The following RPH3A variants were observed in gnomAD, a reference collection of about 807,000 sequenced individuals.
RPH3A encodes the protein rabphilin-3A.
A neutral mutation model predicts 102.2 loss-of-function variants in RPH3A; 48 were observed. The observed-to-expected ratio is 0.47, with a 90% CI of 0.37 to 0.60. RPH3A has a LOEUF of 0.60. Among genes scored for constraint, RPH3A ranks in the 20% least tolerant of loss-of-function variants. The pLI, the probability that RPH3A is intolerant of heterozygous loss-of-function variation, is 0.00. For synonymous variants in RPH3A, 310 were observed against 324.3 expected, an observed-to-expected ratio of 0.96 and a Z score of 0.47; for missense variants, 781 against 910.1, an observed-to-expected ratio of 0.86 and a Z score of 1.83.
upstream of RPH3A, among the ~76,000 whole-genome samples, chr12:112,788,001 C>A (rs1214098902): frequency 6.6e-6 from 1 of 152,224 alleles, no homozygotes; most frequent in African/African-American, 2.4e-5. Flanking sequence ...CAGACCCTGG[C>A]CGGGCTCAGC....
At chr12:112,779,758 C>T (rs1213248545) in intron 1 of RPH3A, among the ~76,000 whole-genome samples, 1 of 152,154 alleles carries the variant, frequency 6.6e-6, no homozygotes, top group East Asian at 1.9e-4. Context: ...TACCCAGAAC[C>T]TCAGAATGTG....
At position 112,875,132 on chromosome 12, in the gene RPH3A, C is replaced by T. The variant is rs200889610; in HGVS notation, c.845C>T (p.Ser282Leu). 9.4e-5 allele frequency: 152 copies of T among 1,609,682 alleles called. No homozygotes were observed. In the East Asian group the frequency reaches 1.1e-3, roughly 12 times the overall value. ...SVQASRPAPG[S>L]VQSPAPPQPG... is the part of the protein sequence containing the mutation. ...CAGGCCTCCAGACCTGCCCCAGGCTCGGTGCAGAGCCCAGCGCCACCTCAG... is the reference window on the plus strand; with the variant it reads ...CAGGCCTCCAGACCTGCCCCAGGCTTGGTGCAGAGCCCAGCGCCACCTCAG... The change falls in exon 11 of 22, where the codon TCG (serine) becomes TTG (leucine). Residue 282 changes from serine (S) to leucine (L), a missense_variant. Ser to Leu is a moderately radical substitution (Grantham distance 145). Coordinates refer to ENST00000389385, the MANE Select transcript of RPH3A (RefSeq NM_001143854.2).
intron 5 of RPH3A, among the ~76,000 whole-genome samples, chr12:112,853,922 T>C (rs2042367503): frequency 6.6e-6 from 1 of 152,150 alleles, no homozygotes; most frequent in Non-Finnish European, 1.5e-5. Flanking sequence ...GAATGAATAA[T>C]GCATACTAAG....
chr12:112,722,378 G>T (rs1316739501), intron 1 of RPH3A, among the ~76,000 whole-genome samples: 2 of 152,176 alleles, frequency 1.3e-5, no homozygotes, highest in East Asian at 3.8e-4. Context: ...GTTGTCAAAA[G>T]GCTTTATAAG....
chr12:112,784,250 C>G (rs1222198403), intron 1 of RPH3A, among the ~76,000 whole-genome samples: 8 of 152,180 alleles, frequency 5.3e-5, no homozygotes, highest in Non-Finnish European at 1.5e-5. Flanking sequence ...AGCTGCTGTT[C>G]CTTACTCTTC....
chr12:112,853,332 G>A (rs2042354738), intron 5 of RPH3A, among the ~76,000 whole-genome samples: 1 of 152,140 alleles, frequency 6.6e-6, no homozygotes, highest in South Asian at 2.1e-4. Context: ...GGACTTGGGG[G>A]CATTCTGATA....
chr12:112,759,306 C>T (rs2040839656), intron 1 of RPH3A, among the ~76,000 whole-genome samples: 1 of 152,182 alleles, frequency 6.6e-6, no homozygotes, highest in Admixed American at 6.5e-5. Flanking sequence ...CCACTGAAAA[C>T]ACACAGAAGG....
intron 1 of RPH3A, among the ~76,000 whole-genome samples, chr12:112,608,500 T>TG (rs781296161): frequency 1.3e-5 from 2 of 152,216 alleles, no homozygotes; most frequent in Non-Finnish European, 2.9e-5. Context: ...TATTGTGCTT[T>TG]GGGGGAACAC....
rs2041133086 is a variant in RPH3A at position 112,792,231 on chromosome 12, C to T, written c.-51C>T. On this transcript the variant is annotated 5_prime_UTR_variant, in exon 2 of 22. Coordinates refer to ENST00000389385, the MANE Select transcript of RPH3A (RefSeq NM_001143854.2). ...GGGAGGAGTTGGCAAGAATTTGGCT[C>T]ACCCATTCCCCCTGCAAGCCTCCAG... 6.6e-6 allele frequency: 1 copy of T among 152,170 alleles called. No homozygotes were observed. The highest frequency in any genetic ancestry group is 1.5e-5 in the Non-Finnish European group (1 of 68,050). The allele number at this position is 152,170 out of a possible 1,614,324, so 9.4% of individuals were successfully genotyped here. A position where few individuals can be genotyped will look rare whatever the true frequency, so the allele number is the denominator to read the frequency against.
rs929598235 is a variant in RPH3A at position 112,578,964 on chromosome 12, T to TA, written c.-140+3653dup. Among the ~76,000 whole-genome samples, 4 of 152,108 alleles carry TA rather than the reference T, an allele frequency of 2.6e-5. No homozygotes were observed. In the South Asian group the frequency reaches 6.2e-4, roughly 24 times the overall value. On this transcript the variant is annotated intron_variant, in intron 1 of 21. Coordinates refer to the RPH3A transcript ENST00000543106. ...CATGAAATCTTCCAATTAAAAAATG[T>TA]AAAAAAAATTTATTATTTTACTAGT...
intron 1 of RPH3A, among the ~76,000 whole-genome samples, chr12:112,663,271 G>GTA (rs2040062463): frequency 1.3e-5 from 2 of 152,158 alleles, no homozygotes; most frequent in African/African-American, 4.8e-5. Context: ...GTACAGTGGA[G>GTA]CAATCTTGGC....
At position 112,580,909 on chromosome 12, in the gene RPH3A, A is replaced by C. The variant is rs576932288; in HGVS notation, c.-140+5590A>C. On this transcript the variant is annotated intron_variant, in intron 1 of 21. Coordinates refer to the RPH3A transcript ENST00000543106. ...TTATAGAAGAGTGTTTTCCTGTAAG[A>C]ATTACACTGACATTCAAAATTAACT... 8.5e-5 allele frequency among the ~76,000 whole-genome samples: 13 copies of C among 152,304 alleles called. No homozygotes were observed. The South Asian group carries it at 2.7e-3, about 32-fold the overall frequency.
At chr12:112,725,198 G>A (rs1310768651) in intron 1 of RPH3A, among the ~76,000 whole-genome samples, 1 of 131,988 alleles carries the variant, frequency 7.6e-6, no homozygotes, top group African/African-American at 2.8e-5. Context: ...GCAGTGAGCT[G>A]AGATCGTGCC....
At chr12:112,586,732 G>T (rs1194040293) in intron 1 of RPH3A, among the ~76,000 whole-genome samples, 2 of 152,156 alleles carry the variant, frequency 1.3e-5, no homozygotes, top group African/African-American at 4.8e-5. Flanking sequence ...TTATGAAGAA[G>T]GTCCTACTAT....
At chr12:112,768,300 C>A (rs368622606) in intron 1 of RPH3A, among the ~76,000 whole-genome samples, 130 of 152,304 alleles carry the variant, frequency 8.5e-4, no homozygotes, top group African/African-American at 3.0e-3. Context: ...CTCCTGCTCT[C>A]TAAACTCTTC....
intron 1 of RPH3A, among the ~76,000 whole-genome samples, chr12:112,731,173 T>C (rs2040631506): frequency 6.7e-6 from 1 of 149,008 alleles, no homozygotes; most frequent in Non-Finnish European, 1.5e-5. Flanking sequence ...AGTTCTATAG[T>C]TCATTTCATT....
At chr12:112,744,418 AG>A (rs1340044958) in intron 1 of RPH3A, among the ~76,000 whole-genome samples, 1 of 152,162 alleles carries the variant, frequency 6.6e-6, no homozygotes, top group Non-Finnish European at 1.5e-5. Flanking sequence ...GTGAGACTAG[AG>A]CCCTCACAAC....
chr12:112,790,455 A>G (rs577384217), upstream of RPH3A, among the ~76,000 whole-genome samples: 6 of 152,332 alleles, frequency 3.9e-5, no homozygotes, highest in South Asian at 1.2e-3. Flanking sequence ...CAAATGTAGT[A>G]GTTAACCCTG....
chr12:112,790,096 GC>G (rs2041082146), upstream of RPH3A, among the ~76,000 whole-genome samples: 1 of 151,252 alleles, frequency 6.6e-6, no homozygotes, highest in Admixed American at 6.6e-5. Context: ...CACTCTCGTT[GC>G]CCAGGTTGGA....
Sources: allele counts gnomAD v4.1 joint callset (sites outside exome capture counted in the v4.1 genomes callset), GRCh38; gene constraint gnomAD v4.1.1; transcripts MANE v1.5; gene names NCBI Gene and HGNC (gene_info 2026-07-23, HGNC 2026-07-21).